The following RNF13 variants were observed in gnomAD, a reference collection of about 807,000 sequenced individuals.
The protein encoded by RNF13 is ring finger protein 13.
A neutral mutation model predicts 37.7 loss-of-function variants in RNF13; 19 were observed. The ratio of observed to expected loss-of-function variants is 0.50; its 90% CI spans 0.35 to 0.74. The LOEUF is 0.74. RNF13 is among the 30% of genes least tolerant of loss of function. The probability of loss-of-function intolerance (pLI) is 0.01; values close to 1 mark genes in which losing one functional copy is unlikely to be tolerated. For missense variants in RNF13, 375 were observed against 453.0 expected, an observed-to-expected ratio of 0.83 and a Z score of 1.56; for synonymous variants, 144 against 157.8, an observed-to-expected ratio of 0.91 and a Z score of 0.65.
Position 149,921,247 on chromosome 3 carries a change from A to ATAAT in RNF13, c.700+23_700+26dup. The ATAAT allele has an allele frequency of 2.6e-6, 3 of 1,173,618 alleles. No homozygotes were observed. Among genetic ancestry groups the ATAAT allele is most frequent in the Non-Finnish European group, 2.3e-6 (2 of 864,166 alleles). The allele number at this position is 1,173,618 out of a possible 1,614,324, so 72.7% of individuals were successfully genotyped here. A position where few individuals can be genotyped will look rare whatever the true frequency, so the allele number is the denominator to read the frequency against. ...AGAAAGGTAAGTATTTGTTTTCTAA[A>ATAAT]TAATTATCCTTAGTTTATTTAAGAC... On this transcript the variant is annotated intron_variant, in intron 8 of 9. Coordinates refer to ENST00000392894, the MANE Select transcript of RNF13 (RefSeq NM_183381.3).
chr3:149,898,605 T>G (rs1232187834), intron 5 of RNF13, among the ~76,000 whole-genome samples: 1 of 152,184 alleles, frequency 6.6e-6, no homozygotes, highest in African/African-American at 2.4e-5. Context: ...CTAAGTTATT[T>G]AGTTGCGATG....
chr3:149,862,181 T>G (rs1460896844), intron 3 of RNF13, among the ~76,000 whole-genome samples: 2 of 152,070 alleles, frequency 1.3e-5, no homozygotes, highest in African/African-American at 4.8e-5. Flanking sequence ...TTATAGTACT[T>G]AAATTACACC....
At chr3:149,934,239 T>C (rs1044101430) in intron 8 of RNF13, among the ~76,000 whole-genome samples, 2 of 152,140 alleles carry the variant, frequency 1.3e-5, no homozygotes. Context: ...ATTTATACTT[T>C]GAGTGTTTTC....
intron 6 of RNF13, among the ~76,000 whole-genome samples, chr3:149,904,739 C>T (rs1243238812): frequency 2.0e-5 from 3 of 151,762 alleles, no homozygotes; most frequent in Admixed American, 6.6e-5. Flanking sequence ...TCCATCTTGT[C>T]CATCTTGTTC....
intron 4 of RNF13, among the ~76,000 whole-genome samples, chr3:149,882,408 C>G (rs755925170): frequency 6.6e-6 from 1 of 152,026 alleles, no homozygotes; most frequent in African/African-American, 2.4e-5. Flanking sequence ...CTTTAAACAA[C>G]TATTTATATG....
intron 7 of RNF13, among the ~76,000 whole-genome samples, chr3:149,917,914 A>G (rs904438231): frequency 4.6e-5 from 7 of 152,204 alleles, no homozygotes; most frequent in African/African-American, 1.7e-4. Flanking sequence ...AAAGTACACA[A>G]TTCAATAATT....
intron 3 of RNF13, among the ~76,000 whole-genome samples, chr3:149,862,501 A>G (rs1320822077): frequency 6.6e-6 from 1 of 152,034 alleles, no homozygotes; most frequent in East Asian, 1.9e-4. Context: ...TTTTTCTACC[A>G]TATATGCATC....
At chr3:149,915,099 ATATG>A (rs1350479100) in intron 7 of RNF13, among the ~76,000 whole-genome samples, 3 of 152,146 alleles carry the variant, frequency 2.0e-5, no homozygotes, top group Non-Finnish European at 4.4e-5. Flanking sequence ...GTACTGGATT[ATATG>A]TTTTTTATCT....
intron 4 of RNF13, 131 bp downstream of exon 4, chr3:149,872,285 A>G: frequency 4.7e-6 from 3 of 638,560 alleles, no homozygotes; most frequent in Non-Finnish European, 7.6e-6. Flanking sequence ...AACTGGATTC[A>G]TAGAATAGAA....
intron 8 of RNF13, among the ~76,000 whole-genome samples, chr3:149,943,079 T>G (rs79906968): frequency 0.013 from 2,012 of 152,262 alleles, 51 homozygotes; most frequent in African/African-American, 0.045. Context: ...TTGAATTCAG[T>G]TTACTAGTAT....
intron 5 of RNF13, among the ~76,000 whole-genome samples, chr3:149,899,100 G>T (rs1715556432): frequency 6.6e-6 from 1 of 152,186 alleles, no homozygotes; most frequent in African/African-American, 2.4e-5. Flanking sequence ...GGAGCCAGGG[G>T]TCAAATATGA....
chr3:149,919,040 T>C (rs1046947712), intron 7 of RNF13, among the ~76,000 whole-genome samples: 5 of 152,190 alleles, frequency 3.3e-5, no homozygotes, highest in Admixed American at 6.5e-5. Flanking sequence ...TGTATTTTCT[T>C]CTGTGTAAAT....
intron 4 of RNF13, among the ~76,000 whole-genome samples, chr3:149,875,256 T>C (rs1333242453): frequency 6.6e-6 from 1 of 152,154 alleles, no homozygotes; most frequent in Admixed American, 6.5e-5. Context: ...GAGAATTGGC[T>C]CTATCTTTTA....
chr3:149,922,065 C>T (rs1051206159), intron 8 of RNF13, among the ~76,000 whole-genome samples: 1 of 152,130 alleles, frequency 6.6e-6, no homozygotes, highest in East Asian at 1.9e-4. Context: ...CCTCCGCCCC[C>T]CAGGTTCAAG....
At chr3:149,877,438 T>A (rs1406954006) in intron 4 of RNF13, among the ~76,000 whole-genome samples, 4 of 151,590 alleles carry the variant, frequency 2.6e-5, no homozygotes, top group Non-Finnish European at 5.9e-5. Context: ...TTGGGATTAT[T>A]TGATCATATC....
intron 2 of RNF13, among the ~76,000 whole-genome samples, chr3:149,848,124 TATC>T (rs1228850911): frequency 1.3e-5 from 2 of 152,242 alleles, no homozygotes; most frequent in African/African-American, 4.8e-5. Context: ...TCATTATAAT[TATC>T]ATTCTGATTA....
At chr3:149,948,286 G>T (rs1386483899) in intron 8 of RNF13, among the ~76,000 whole-genome samples, 1 of 152,044 alleles carries the variant, frequency 6.6e-6, no homozygotes, top group African/African-American at 2.4e-5. Context: ...TTTCTTGTAA[G>T]CACTTTATTG....
Position 149,881,365 on chromosome 3 carries a change from C to G in RNF13, c.321+9211C>G, listed in dbSNP as rs549985554. 4.5e-4 allele frequency among the ~76,000 whole-genome samples: 68 copies of G among 152,120 alleles called. 2 individuals carry two copies. In the South Asian group the frequency reaches 0.013, roughly 30 times the overall value. Reference sequence around the variant, plus strand: ...TTTTTTTTTGAGATAGAGTCTTGCTCTGTTGCCCAGGCTGGAATACAGTGG... The same window carrying G: ...TTTTTTTTTGAGATAGAGTCTTGCTGTGTTGCCCAGGCTGGAATACAGTGG... On this transcript the variant is annotated intron_variant, in intron 4 of 9. Coordinates refer to ENST00000392894, the MANE Select transcript of RNF13 (RefSeq NM_183381.3).
Position 149,815,961 on chromosome 3 carries a change from T to C in RNF13, c.-17+2608T>C, listed in dbSNP as rs149364159. Among the ~76,000 whole-genome samples, 4 of 152,220 alleles carry C rather than the reference T, an allele frequency of 2.6e-5. No individual in the cohort carries two copies. In the East Asian group the frequency reaches 7.7e-4, roughly 29 times the overall value. On this transcript the variant is annotated intron_variant, in intron 1 of 9. Transcript: ENST00000392894. ...TCTGTTGCCCAGGCTGGAGCAATTATGGCTCACTGCACCCTCGACCTCCCG... is the reference window on the plus strand; with the variant it reads ...TCTGTTGCCCAGGCTGGAGCAATTACGGCTCACTGCACCCTCGACCTCCCG...
Sources: gnomAD v4.1 joint callset for allele counts (sites outside exome capture counted in the v4.1 genomes callset) on GRCh38, gnomAD v4.1.1 for gene constraint, MANE v1.5 for transcripts, NCBI Gene and HGNC (gene_info 2026-07-23, HGNC 2026-07-21) for gene names.